The following SDK1 variants were observed in gnomAD, a reference collection of about 807,000 sequenced individuals.
The protein encoded by SDK1 is protein sidekick-1.
A neutral mutation model predicts 245.5 loss-of-function variants in SDK1; 157 were observed. The observed-to-expected ratio is 0.64, with a 90% CI of 0.56 to 0.73. The LOEUF is 0.73. Among genes scored for constraint, SDK1 ranks in the 30% least tolerant of loss-of-function variants. The pLI, the probability that SDK1 is intolerant of heterozygous loss-of-function variation, is 0.00. For synonymous variants in SDK1, 1,647 were observed against 1,278.5 expected, an observed-to-expected ratio of 1.29 and a Z score of -6.15; for missense variants, 3,583 against 3,002.3, an observed-to-expected ratio of 1.19 and a Z score of -4.52.
In SDK1 at chr7:4,268,334, G is replaced by C. The variant is rs1562540; in HGVS notation, c.*2950G>C. ...CAGAGATTCCAGGCAGGTGAGCCCA[G>C]AGAGAGCTGCCAGGCCACACCCCCT... On this transcript the variant is annotated 3_prime_UTR_variant, in exon 45 of 45. Transcript: ENST00000404826. 502,199 of 1,032,946 alleles carry C rather than the reference G, an allele frequency of 0.49. 123,896 individuals carry two copies. Among genetic ancestry groups the C allele is most frequent in the African/African-American group, 0.55 (32,051 of 58,404 alleles). 64.0% of individuals were successfully genotyped at this position (1,032,946 alleles called of 1,614,324 possible). A position where few individuals can be genotyped will look rare whatever the true frequency, so the allele number is the denominator to read the frequency against.
In SDK1 at chr7:4,139,561, A is replaced by ATGTGTGTGTG. The variant is rs71032928; in HGVS notation, c.4229-6154_4229-6153insGTGTGTGTGT. On this transcript the variant is annotated intron_variant, in intron 28 of 44. Transcript: ENST00000404826. ...TATATATGTGTGTGTATATGTATAT[A>ATGTGTGTGTG]TGTGTGTATATGTGTGTGTGTATGT... Among the ~76,000 whole-genome samples, 2 of 21,588 alleles carry ATGTGTGTGTG rather than the reference A, an allele frequency of 9.3e-5. 1 individual carries two copies. The highest frequency in any genetic ancestry group is 2.5e-4 in the African/African-American group (2 of 7,904). 14.2% of individuals were successfully genotyped at this position (21,588 alleles called of 152,430 possible).
At chr7:3,388,573 A>T (rs1173358094) in intron 1 of SDK1, among the ~76,000 whole-genome samples, 1 of 151,716 alleles carries the variant, frequency 6.6e-6, no homozygotes, top group Non-Finnish European at 1.5e-5. Flanking sequence ...TTTCTCAAAT[A>T]TTAACTTTGA....
chr7:4,228,806 GA>G lies in SDK1; in HGVS notation c.5828-4448del, dbSNP rs1785583348. Among the ~76,000 whole-genome samples, 3 of 152,154 alleles carry G rather than the reference GA, an allele frequency of 2.0e-5. No individual in the cohort carries two copies. The South Asian group carries it at 6.2e-4, about 32-fold the overall frequency. On this transcript the variant is annotated intron_variant, in intron 40 of 44. Coordinates refer to ENST00000404826, the MANE Select transcript of SDK1 (RefSeq NM_152744.4). ...GTCTACCTCGGTCTCCCAAAGTGCT[GA>G]GATTACAGGCGGGAGCCACTGCACC...
At chr7:3,637,505 G>A (rs1014160988) in intron 2 of SDK1, among the ~76,000 whole-genome samples, 1 of 152,226 alleles carries the variant, frequency 6.6e-6, no homozygotes, top group Non-Finnish European at 1.5e-5. Context: ...ATCTTGGGCA[G>A]CTTAGAAGTT....
At chr7:3,761,748 T>C (rs1780111069) in intron 4 of SDK1, among the ~76,000 whole-genome samples, 1 of 151,878 alleles carries the variant, frequency 6.6e-6, no homozygotes, top group African/African-American at 2.4e-5. Flanking sequence ...AAGTAGCAGA[T>C]TATAGTTATG....
At chr7:3,766,329 T>C (rs772289389) in intron 4 of SDK1, among the ~76,000 whole-genome samples, 1 of 152,224 alleles carries the variant, frequency 6.6e-6, no homozygotes, top group Non-Finnish European at 1.5e-5. Context: ...ATCCAAACGT[T>C]ATTAATTGCA....
At chr7:3,659,134 G>A (rs1429787434) in intron 4 of SDK1, among the ~76,000 whole-genome samples, 1 of 151,880 alleles carries the variant, frequency 6.6e-6, no homozygotes, top group East Asian at 1.9e-4. Flanking sequence ...TTTTTCTTTT[G>A]TCCTTTACTG....
Position 3,556,250 on chromosome 7 carries a change from T to A in SDK1, c.299-62830T>A, listed in dbSNP as rs146368053. On this transcript the variant is annotated intron_variant, in intron 1 of 44. Coordinates refer to ENST00000404826, the MANE Select transcript of SDK1 (RefSeq NM_152744.4). ...TATTCAGCCATAAAGAAAAATGAGA[T>A]CCTGTCATTTGCAACAACACTCGTT... Among the ~76,000 whole-genome samples, 26 of 152,148 alleles carry A rather than the reference T, an allele frequency of 1.7e-4. 1 individual carries two copies. The East Asian group carries it at 4.5e-3, about 26-fold the overall frequency.
intron 38 of SDK1, among the ~76,000 whole-genome samples, chr7:4,211,857 C>T (rs2128228619): frequency 6.6e-6 from 1 of 152,310 alleles, no homozygotes; most frequent in Non-Finnish European, 1.5e-5. Context: ...GATCCACCTG[C>T]CTCGGCCTCC....
At chr7:3,798,106 C>G (rs534376718) in intron 4 of SDK1, among the ~76,000 whole-genome samples, 55 of 151,516 alleles carry the variant, frequency 3.6e-4, no homozygotes, top group Admixed American at 1.6e-3. Flanking sequence ...TCCTGATTAT[C>G]TTTTCCTGTT....
At chr7:3,962,258 C>T (rs1381706422) in intron 8 of SDK1, among the ~76,000 whole-genome samples, 1 of 152,236 alleles carries the variant, frequency 6.6e-6, no homozygotes, top group Non-Finnish European at 1.5e-5. Context: ...TGTGTCCTGT[C>T]CTCTGCCCCT....
intron 4 of SDK1, among the ~76,000 whole-genome samples, chr7:3,809,677 A>G (rs2115045535): frequency 6.6e-6 from 1 of 152,332 alleles, no homozygotes; most frequent in South Asian, 2.1e-4. Flanking sequence ...TTGCTTTTAA[A>G]GAAGAGCCCT....
At chr7:3,947,399 C>A (rs759098363) in intron 5 of SDK1, among the ~76,000 whole-genome samples, 11 of 152,136 alleles carry the variant, frequency 7.2e-5, no homozygotes, top group Admixed American at 1.3e-4. Flanking sequence ...TAAATATACA[C>A]TGTTTATATT....
chr7:3,543,992 A>G (rs1010712334), intron 1 of SDK1, among the ~76,000 whole-genome samples: 4 of 152,198 alleles, frequency 2.6e-5, no homozygotes, highest in Non-Finnish European at 5.9e-5. Context: ...GGCCATCTCT[A>G]CTACTGCTCA....
At chr7:4,056,484 A>T (rs1409787823) in intron 19 of SDK1, among the ~76,000 whole-genome samples, 1 of 152,188 alleles carries the variant, frequency 6.6e-6, no homozygotes, top group East Asian at 1.9e-4. Flanking sequence ...GGAAGCACCT[A>T]TGGCAAGGAG....
chr7:4,094,080 G>A (rs532500013), intron 22 of SDK1, among the ~76,000 whole-genome samples: 4 of 151,908 alleles, frequency 2.6e-5, no homozygotes, highest in East Asian at 1.9e-4. Flanking sequence ...TTTTTGAGAC[G>A]GACTCTCATT....
intron 1 of SDK1, among the ~76,000 whole-genome samples, chr7:3,398,012 G>A (rs1443777237): frequency 6.6e-6 from 1 of 152,120 alleles, no homozygotes; most frequent in African/African-American, 2.4e-5. Flanking sequence ...GATGTACTGA[G>A]TAGCAGGAAC....
intron 4 of SDK1, among the ~76,000 whole-genome samples, chr7:3,664,031 C>T (rs1783448758): frequency 1.4e-5 from 2 of 143,658 alleles, no homozygotes; most frequent in South Asian, 5.0e-4. Context: ...GTACATTGTA[C>T]CTTCACTCTA....
At chr7:3,622,717 G>C in intron 2 of SDK1, among the ~76,000 whole-genome samples, 1 of 152,292 alleles carries the variant, frequency 6.6e-6, no homozygotes, top group East Asian at 1.9e-4. Flanking sequence ...TTGAGGGAGT[G>C]ACTCGTTATA....
Sources: allele counts gnomAD v4.1 joint callset (sites outside exome capture counted in the v4.1 genomes callset), GRCh38; gene constraint gnomAD v4.1.1; transcripts MANE v1.5; gene names NCBI Gene and HGNC (gene_info 2026-07-23, HGNC 2026-07-21).